Variants in ARFGEF3 observed in about 807,000 individuals in gnomAD.
ARFGEF3 encodes brefeldin A-inhibited guanine nucleotide-exchange protein 3.
ARFGEF3 carries 96 observed loss-of-function variants against 221.7 expected under a neutral mutation model. That is an observed-to-expected ratio of 0.43 (90% CI 0.37 to 0.51). The LOEUF (loss-of-function observed/expected upper bound fraction) is 0.51, where lower values mean the gene tolerates loss of function less well. Among genes scored for constraint, ARFGEF3 ranks in the 20% least tolerant of loss-of-function variants. ARFGEF3 has a pLI of 0.00. For synonymous variants in ARFGEF3, 1,145 were observed against 1,126.8 expected (o/e 1.02, Z -0.32); for missense variants, 2,410 against 2,789.9 (o/e 0.86, Z 3.07).
chr6:138,305,667 C>T (rs1779710088), intron 22 of ARFGEF3, among the ~76,000 whole-genome samples: 1 of 143,756 alleles, frequency 7.0e-6, no homozygotes, highest in Admixed American at 6.9e-5. Context: ...GAAGATTAAA[C>T]ATTGTGGCAT....
At chr6:138,170,941 C>G (rs1776817099) in intron 2 of ARFGEF3, among the ~76,000 whole-genome samples, 1 of 152,124 alleles carries the variant, frequency 6.6e-6, no homozygotes, top group Admixed American at 6.6e-5. Flanking sequence ...GCTGCGTCAT[C>G]CCAAAGGTAG....
At chr6:138,314,154 C>T (rs1351108149) in intron 26 of ARFGEF3, among the ~76,000 whole-genome samples, 1 of 152,154 alleles carries the variant, frequency 6.6e-6, no homozygotes, top group Non-Finnish European at 1.5e-5. Context: ...CTGATGAGGG[C>T]CCTCTTGCTG....
At chr6:138,281,271 G>T (rs1208046561) in intron 14 of ARFGEF3, among the ~76,000 whole-genome samples, 1 of 152,202 alleles carries the variant, frequency 6.6e-6, no homozygotes, top group Non-Finnish European at 1.5e-5. Flanking sequence ...TTGTGAACAA[G>T]TTGGTGCCTT....
chr6:138,306,953 T>TA (rs71773390), intron 22 of ARFGEF3, among the ~76,000 whole-genome samples: 2,155 of 113,666 alleles, frequency 0.019, 21 homozygotes, highest in Middle Eastern at 0.045. Flanking sequence ...TAAGGAACTC[T>TA]AAAAAAAAAA....
chr6:138,180,471 C>T (rs1777056561), intron 2 of ARFGEF3, among the ~76,000 whole-genome samples: 1 of 152,170 alleles, frequency 6.6e-6, no homozygotes, highest in South Asian at 2.1e-4. Flanking sequence ...CTCGAGTCTC[C>T]TTTTCTTGCC....
rs1780346272 is a variant in ARFGEF3, at chr6:138,337,338, A to G, written c.*852A>G. On this transcript the variant is annotated 3_prime_UTR_variant, in exon 34 of 34. Coordinates refer to ENST00000251691, the MANE Select transcript of ARFGEF3 (RefSeq NM_020340.5). ...AACAAGGAAAGGAAAGGAAAGAAGA[A>G]AAGGTGCCTTAGTCCTTTGTTGCAC... The G allele has an allele frequency of 6.6e-6, 1 of 152,666 alleles. No homozygotes were observed. Among genetic ancestry groups the G allele is most frequent in the African/African-American group, 2.4e-5 (1 of 41,452 alleles). 9.5% of individuals were successfully genotyped at this position (152,666 alleles called of 1,614,324 possible).
Position 138,291,945 on chromosome 6 carries a change from T to TCGTC in ARFGEF3, c.3263_3266dup (p.Glu1090ProfsTer38). The TCGTC allele has an allele frequency of 1.3e-6, 2 of 1,525,352 alleles. No individual in the cohort carries two copies. 94.5% of individuals were successfully genotyped at this position (1,525,352 alleles called of 1,614,324 possible). On this transcript the variant is annotated frameshift_variant, in exon 19 of 34. Coordinates refer to ENST00000251691, the MANE Select transcript of ARFGEF3 (RefSeq NM_020340.5). LOFTEE classifies it high-confidence loss of function. This position sits in a 1 kb window ranked among gnomAD's most constrained non-coding sequence, Gnocchi z 4.5. The stretch of plus-strand genomic sequence containing the variant: ...GTCCAGCCCCTGTCCATCCAGGACC[T>TCGTC]CGTCCGGGAAGGCAGCCGGGGTCGG...
chr6:138,289,725 C>G, intron 17 of ARFGEF3, 93 bp from the exon 18 acceptor site: 1 of 1,365,498 alleles, frequency 7.3e-7, no homozygotes, highest in South Asian at 1.3e-5. Flanking sequence ...TGTCCTTTCC[C>G]TTTTGCCCTT....
Position 138,263,160 on chromosome 6 carries a change from G to C in ARFGEF3, c.1677G>C (p.Gln559His). Residue 559 changes from glutamine to histidine, a missense_variant, in exon 12 of 34, where the codon CAG becomes CAC. Physicochemically the swap from Gln to His is conservative, Grantham distance 24. This residue lies in a region of ARFGEF3 where 594 missense variants were observed against 734.3 expected (regional missense o/e 0.81). Coordinates refer to ENST00000251691, the MANE Select transcript of ARFGEF3 (RefSeq NM_020340.5). ...SKVLETEAVD[Q>H]PDVVQRSHTV... is the part of the protein sequence containing the mutation. ...TATTGGAAACAGAGGCGGTAGACCA[G>C]CCAGATGTCGTGCAGAGAAGCCACA... The C allele has an allele frequency of 6.2e-7, 1 of 1,614,012 alleles. No individual in the cohort carries two copies. The highest frequency in any genetic ancestry group is 8.5e-7 in the Non-Finnish European group (1 of 1,179,898).
Position 138,321,203 on chromosome 6 carries a change from A to T in ARFGEF3, c.4744A>T (p.Arg1582Ter). ...CVAKPTETIS[R>*]VGCSCIRYVL... ...GGCCAAGCCCACTGAAACCATCTCCAGAGTGGGCTGCTCCTGTATTAGGTG... is the reference window on the plus strand; with the variant it reads ...GGCCAAGCCCACTGAAACCATCTCCTGAGTGGGCTGCTCCTGTATTAGGTG... Residue 1582 changes from arginine (R) to a stop codon, truncating the protein, a stop_gained, in exon 29 of 34, where the codon AGA (arginine) becomes TGA (stop). Coordinates refer to ENST00000251691, the MANE Select transcript of ARFGEF3 (RefSeq NM_020340.5). LOFTEE classifies it high-confidence loss of function. 1 of 1,554,122 alleles carries T rather than the reference A, an allele frequency of 6.4e-7. No homozygotes were observed. Among genetic ancestry groups the T allele is most frequent in the Non-Finnish European group, 8.7e-7 (1 of 1,146,156 alleles).
At position 138,298,606 on chromosome 6, in the gene ARFGEF3, G is replaced by A; in HGVS notation, c.3649G>A (p.Ala1217Thr). The A allele has an allele frequency of 1.2e-6, 2 of 1,610,764 alleles. No homozygotes were observed. The highest frequency in any genetic ancestry group is 1.7e-6 in the Non-Finnish European group (2 of 1,178,406). ...AGCCACTCTCTCGTGAATTTTGCAGGCTGCTTGCCATAAGGAAAGACATGT... is the reference window on the plus strand; with the variant it reads ...AGCCACTCTCTCGTGAATTTTGCAGACTGCTTGCCATAAGGAAAGACATGT... ...WSLVAPHLVE[A>T]ACHKERHVSQ... The change falls in exon 22 of 34, where the codon GCT (alanine) becomes ACT (threonine). Residue 1217 changes from alanine to threonine, a missense_variant and splice_region_variant. Coordinates refer to ENST00000251691, the MANE Select transcript of ARFGEF3 (RefSeq NM_020340.5).
intron 12 of ARFGEF3, among the ~76,000 whole-genome samples, chr6:138,266,913 A>C (rs1778906766): frequency 6.6e-6 from 1 of 151,630 alleles, no homozygotes; most frequent in East Asian, 1.9e-4. Flanking sequence ...AAAGCCTCTC[A>C]AGTTGTTCTT....
chr6:138,289,821 A>C lies in ARFGEF3; in HGVS notation c.2900A>C (p.Lys967Thr). 6.2e-7 allele frequency: 1 copy of C among 1,613,468 alleles called. No homozygotes were observed. Among genetic ancestry groups the C allele is most frequent in the Middle Eastern group, 1.7e-4 (1 of 6,060 alleles). ...QEPSDAITQVKLKVEQKLEQI... is the reference protein window; with the variant it reads ...QEPSDAITQVTLKVEQKLEQI... ...AATAAATGTCTTTCTGGCACAGTGAAACTAAAAGTGGAGCAGAAACTGGAG... is the reference window on the plus strand; with the variant it reads ...AATAAATGTCTTTCTGGCACAGTGACACTAAAAGTGGAGCAGAAACTGGAG... The change falls in exon 18 of 34, where the codon AAA becomes ACA. Residue 967 changes from lysine (K) to threonine (T), a missense_variant. This residue lies in a region of ARFGEF3 where 594 missense variants were observed against 734.3 expected (regional missense o/e 0.81). Transcript: ENST00000251691.
rs1413434935 is a variant in ARFGEF3, at chr6:138,319,621, C to CAAAG, written c.4475-80_4475-77dup. ...TTCTCAGCAAATGTAGGGATCCTTC[C>CAAAG]AAAGAGATCAACAATGCCAGGTGGA... On this transcript the variant is annotated intron_variant, in intron 27 of 33. Coordinates refer to ENST00000251691, the MANE Select transcript of ARFGEF3 (RefSeq NM_020340.5). 6.1e-6 allele frequency: 6 copies of CAAAG among 986,488 alleles called. No individual in the cohort carries two copies. The Admixed American group carries it at 1.2e-4, about 20-fold the overall frequency. The allele number at this position is 986,488 out of a possible 1,614,324, so 61.1% of individuals were successfully genotyped here. A position where few individuals can be genotyped will look rare whatever the true frequency, so the allele number is the denominator to read the frequency against.
At chr6:138,258,676 C>T (rs1172761981) in intron 10 of ARFGEF3, among the ~76,000 whole-genome samples, 12 of 152,184 alleles carry the variant, frequency 7.9e-5, no homozygotes, top group Admixed American at 3.9e-4. Flanking sequence ...ATATAGATTG[C>T]TTCTGTATGT....
chr6:138,274,335 G>A (rs1280203505), intron 12 of ARFGEF3, among the ~76,000 whole-genome samples: 3 of 152,160 alleles, frequency 2.0e-5, no homozygotes, highest in Non-Finnish European at 4.4e-5. Flanking sequence ...ACCATGGAAG[G>A]AGACTGGTCT....
At chr6:138,163,730 G>A (rs753438060) in intron 1 of ARFGEF3, among the ~76,000 whole-genome samples, 3 of 152,126 alleles carry the variant, frequency 2.0e-5, no homozygotes, top group Non-Finnish European at 4.4e-5. Flanking sequence ...TAAATTTTTC[G>A]AGTCAAATCT....
intron 24 of ARFGEF3, among the ~76,000 whole-genome samples, chr6:138,309,412 G>A (rs959130003): frequency 6.6e-6 from 1 of 152,088 alleles, no homozygotes; most frequent in South Asian, 2.1e-4. Context: ...TTCAAGAAGG[G>A]GGACTTCTAT....
intron 4 of ARFGEF3, among the ~76,000 whole-genome samples, chr6:138,214,960 A>G (rs780689093): frequency 6.6e-6 from 1 of 152,252 alleles, no homozygotes; most frequent in Non-Finnish European, 1.5e-5. Flanking sequence ...TGAGCAAACA[A>G]TAAATGGTCA....
Sources: gnomAD v4.1 joint callset for allele counts (sites outside exome capture counted in the v4.1 genomes callset) on GRCh38, gnomAD v4.1.1 for gene constraint, gnomAD v4.1.1 regional missense constraint, Gnocchi (gnomAD v3.1) non-coding constraint, MANE v1.5 for transcripts, NCBI Gene and HGNC (gene_info 2026-07-23, HGNC 2026-07-21) for gene names.